Variants in CADPS observed in about 807,000 individuals in gnomAD.
CADPS encodes the protein calcium dependent secretion activator.
Under a neutral mutation model 167.3 loss-of-function variants are expected in CADPS, and 57 were observed. The observed-to-expected ratio is 0.34, with a 90% CI of 0.28 to 0.42. The LOEUF (loss-of-function observed/expected upper bound fraction) is 0.42. Ranked by LOEUF, CADPS falls within the 20% of genes least tolerant of loss-of-function variation. CADPS has a pLI of 1.00. For synonymous variants in CADPS, 676 were observed against 635.3 expected (o/e 1.06, Z -0.96); for missense variants, 1,414 against 1,738.1 (o/e 0.81, Z 3.32).
chr3:62,672,576 T>C (rs772156352), intron 3 of CADPS, among the ~76,000 whole-genome samples: 2 of 152,170 alleles, frequency 1.3e-5, no homozygotes, highest in African/African-American at 2.4e-5. Context: ...GAACATGACA[T>C]ACTCTTGCTT....
At chr3:62,681,978 T>G (rs1000031046) in intron 3 of CADPS, among the ~76,000 whole-genome samples, 8 of 152,106 alleles carry the variant, frequency 5.3e-5, no homozygotes, top group Non-Finnish European at 1.2e-4. Flanking sequence ...GAAGAGACAT[T>G]GTGTCTGTAT....
At chr3:62,660,236 T>C (rs1288766663) in intron 4 of CADPS, among the ~76,000 whole-genome samples, 1 of 152,174 alleles carries the variant, frequency 6.6e-6, no homozygotes, top group Non-Finnish European at 1.5e-5. Flanking sequence ...GAGGTGTGTG[T>C]GATTTTTATT....
intron 4 of CADPS, among the ~76,000 whole-genome samples, chr3:62,654,112 A>G (rs181648411): frequency 1.3e-5 from 2 of 152,314 alleles, no homozygotes; most frequent in African/African-American, 4.8e-5. Context: ...ATCAGGGACA[A>G]GTGTGAACCT....
At chr3:62,851,756 G>C (rs1442846311) in intron 1 of CADPS, among the ~76,000 whole-genome samples, 1 of 149,614 alleles carries the variant, frequency 6.7e-6, no homozygotes, top group East Asian at 2.0e-4. Flanking sequence ...ATGTGTCTTG[G>C]AGTTGTTCTT....
At chr3:62,511,195 T>G (rs1307419945) in intron 17 of CADPS, among the ~76,000 whole-genome samples, 1 of 152,186 alleles carries the variant, frequency 6.6e-6, no homozygotes, top group Non-Finnish European at 1.5e-5. Flanking sequence ...TTTTGAACCA[T>G]GAGATATAGT....
chr3:62,454,496 A>T (rs2058454172), intron 26 of CADPS, among the ~76,000 whole-genome samples: 1 of 152,172 alleles, frequency 6.6e-6, no homozygotes, highest in African/African-American at 2.4e-5. Context: ...GCCTGACTTC[A>T]AAGGATTCTG....
chr3:62,642,737 C>G (rs1271889178), intron 6 of CADPS, among the ~76,000 whole-genome samples: 1 of 152,008 alleles, frequency 6.6e-6, no homozygotes, highest in African/African-American at 2.4e-5. Flanking sequence ...GGTGAAACCC[C>G]ATCTCTACAA....
chr3:62,629,164 G>A (rs1385353276), intron 6 of CADPS, among the ~76,000 whole-genome samples: 2 of 152,092 alleles, frequency 1.3e-5, no homozygotes, highest in Non-Finnish European at 1.5e-5. Context: ...CATGTTTTAA[G>A]TGTATAATTC....
intron 1 of CADPS, among the ~76,000 whole-genome samples, chr3:62,793,145 A>C (rs1408732789): frequency 2.0e-5 from 3 of 152,224 alleles, no homozygotes; most frequent in African/African-American, 7.2e-5. Flanking sequence ...TACTACCCCT[A>C]CTTTGCTCAG....
intron 27 of CADPS, among the ~76,000 whole-genome samples, chr3:62,442,211 G>T: frequency 7.4e-6 from 1 of 134,978 alleles, no homozygotes; most frequent in Non-Finnish European, 1.6e-5. Context: ...CTGGTAAACT[G>T]ACTCTTTTTT....
intron 28 of CADPS, among the ~76,000 whole-genome samples, chr3:62,415,990 CAA>C (rs34554049): frequency 0.089 from 13,617 of 152,166 alleles, 663 homozygotes; most frequent in Non-Finnish European, 0.11. Context: ...CCTCGTCATT[CAA>C]AAGAGTCTTA....
chr3:62,562,764 C>G (rs2079406112), intron 9 of CADPS, among the ~76,000 whole-genome samples: 1 of 152,230 alleles, frequency 6.6e-6, no homozygotes, highest in Non-Finnish European at 1.5e-5. Context: ...GGAGTAACTG[C>G]ACATCTAGCT....
At chr3:62,434,951 T>C (rs976656104) in intron 28 of CADPS, among the ~76,000 whole-genome samples, 3 of 152,058 alleles carry the variant, frequency 2.0e-5, no homozygotes, top group African/African-American at 7.2e-5. Flanking sequence ...TCTTAGAACA[T>C]GCCTCTGAAT....
chr3:62,436,733 A>G (rs2055136209), intron 28 of CADPS, among the ~76,000 whole-genome samples: 1 of 152,206 alleles, frequency 6.6e-6, no homozygotes, highest in African/African-American at 2.4e-5. Context: ...AACATTTGAC[A>G]TGAGAGATAA....
At chr3:62,743,406 A>T (rs1200418245) in intron 3 of CADPS, among the ~76,000 whole-genome samples, 1 of 152,210 alleles carries the variant, frequency 6.6e-6, no homozygotes, top group Non-Finnish European at 1.5e-5. Flanking sequence ...TACAAAGACC[A>T]CAGGGTTCAC....
intron 5 of CADPS, among the ~76,000 whole-genome samples, chr3:62,648,014 T>C (rs954138759): frequency 6.6e-6 from 1 of 152,196 alleles, no homozygotes; most frequent in African/African-American, 2.4e-5. Context: ...TGCAAAGTTA[T>C]TTACTACCTG....
chr3:62,631,150 T>C (rs2065206495), intron 6 of CADPS, among the ~76,000 whole-genome samples: 1 of 151,634 alleles, frequency 6.6e-6, no homozygotes, highest in African/African-American at 2.4e-5. Flanking sequence ...ACACACACAC[T>C]TATTTTTTCT....
chr3:62,532,858 AAC>A lies in CADPS; in HGVS notation c.2291+11_2291+12del. Reference sequence around the variant, plus strand: ...CTTAAGGATCACCTCTAGACACACGAACACACACTTACCTGTTCCCATGGACA... The same window carrying A: ...CTTAAGGATCACCTCTAGACACACGAACACACTTACCTGTTCCCATGGACA... On this transcript the variant is annotated intron_variant, in intron 13 of 29. Coordinates refer to ENST00000383710, the MANE Select transcript of CADPS (RefSeq NM_003716.4). 1 of 1,612,656 alleles carries A rather than the reference AAC, an allele frequency of 6.2e-7. No homozygotes were observed. The highest frequency in any genetic ancestry group is 8.5e-7 in the Non-Finnish European group (1 of 1,179,058).
In CADPS at chr3:62,417,273, A is replaced by AT. The variant is rs1491233573; in HGVS notation, c.3778-14089_3778-14088insA. Among the ~76,000 whole-genome samples the AT allele has an allele frequency of 9.7e-5, 5 of 51,532 alleles. 1 individual carries two copies. The highest frequency in any genetic ancestry group is 2.7e-4 in the African/African-American group (3 of 11,224). 33.8% of individuals were successfully genotyped at this position (51,532 alleles called of 152,430 possible). ...TTAACACAATAACTATTTTTCTTTT[A>AT]CTCTTTTTTTTTTTTTTTTTTTTTT... is the stretch of plus-strand genomic sequence containing the variant. On this transcript the variant is annotated intron_variant, in intron 28 of 29. Transcript: ENST00000383710.
Sources: gnomAD v4.1 joint callset for allele counts (sites outside exome capture counted in the v4.1 genomes callset) on GRCh38, gnomAD v4.1.1 for gene constraint, MANE v1.5 for transcripts, NCBI Gene and HGNC (gene_info 2026-07-23, HGNC 2026-07-21) for gene names.